NR5A2: variants seen among roughly 807,000 people sequenced by gnomAD.
NR5A2 encodes CYP7A promoter-binding factor.
A neutral mutation model predicts 62.7 loss-of-function variants in NR5A2; 26 were observed. That is an observed-to-expected ratio of 0.41 (90% CI 0.30 to 0.58). The LOEUF is 0.58. Among genes scored for constraint, NR5A2 ranks in the 20% least tolerant of loss-of-function variants. The pLI, the probability that NR5A2 is intolerant of heterozygous loss-of-function variation, is 0.22. For synonymous variants in NR5A2, 246 were observed against 241.7 expected (o/e 1.02, Z -0.16); for missense variants, 541 against 669.1 (o/e 0.81, Z 2.11).
At chr1:200,124,235 T>C (rs1666605008) in intron 7 of NR5A2, among the ~76,000 whole-genome samples, 1 of 152,236 alleles carries the variant, frequency 6.6e-6, no homozygotes, top group African/African-American at 2.4e-5. Context: ...TCTGGATGTC[T>C]AGCTGGAATA....
At chr1:200,158,588 G>T (rs1387206025) in intron 7 of NR5A2, among the ~76,000 whole-genome samples, 1 of 152,084 alleles carries the variant, frequency 6.6e-6, no homozygotes, top group Non-Finnish European at 1.5e-5. Flanking sequence ...ATACTCAAAG[G>T]CTAAAACAGG....
At chr1:200,068,169 T>C (rs1222311430) in intron 5 of NR5A2, among the ~76,000 whole-genome samples, 2 of 152,234 alleles carry the variant, frequency 1.3e-5, no homozygotes, top group African/African-American at 4.8e-5. Flanking sequence ...AAAGAACTCT[T>C]TCAACTTTCT....
intron 5 of NR5A2, among the ~76,000 whole-genome samples, chr1:200,083,511 T>C (rs1664385239): frequency 6.6e-6 from 1 of 152,254 alleles, no homozygotes; most frequent in Non-Finnish European, 1.5e-5. Flanking sequence ...TATGGATTCC[T>C]GTACAGCCTC....
intron 7 of NR5A2, among the ~76,000 whole-genome samples, chr1:200,155,366 C>G (rs1215541899): frequency 6.6e-6 from 1 of 152,136 alleles, no homozygotes. Context: ...TGAAGCAACT[C>G]TATAATTATA....
At chr1:200,163,876 G>C (rs372756554) in intron 7 of NR5A2, among the ~76,000 whole-genome samples, 95 of 152,226 alleles carry the variant, frequency 6.2e-4, no homozygotes, top group Middle Eastern at 6.8e-3. Flanking sequence ...TAAGAAAACA[G>C]GTGATATTGT....
chr1:200,118,026 T>C (rs985858324), intron 6 of NR5A2, among the ~76,000 whole-genome samples: 4 of 146,780 alleles, frequency 2.7e-5, no homozygotes, highest in Non-Finnish European at 6.0e-5. Flanking sequence ...TTTCTTTTTT[T>C]TTTTTTTTTT....
intron 5 of NR5A2, among the ~76,000 whole-genome samples, chr1:200,054,720 C>T (rs554937983): frequency 1.3e-5 from 2 of 152,052 alleles, no homozygotes; most frequent in Admixed American, 6.6e-5. Flanking sequence ...GAGGAGCAAA[C>T]CTTCTTTTTT....
chr1:200,093,382 A>G (rs2737666), intron 5 of NR5A2, among the ~76,000 whole-genome samples: 51,728 of 151,968 alleles, frequency 0.34, 9,935 homozygotes, highest in East Asian at 0.54. Flanking sequence ...AAACACACAC[A>G]TGGGTACTAA....
Position 200,048,224 on chromosome 1 carries a change from C to T in NR5A2, c.516C>T (p.Tyr172=). The T allele has an allele frequency of 1.2e-6, 2 of 1,613,882 alleles. No homozygotes were observed. The highest frequency in any genetic ancestry group is 1.7e-6 in the Non-Finnish European group (2 of 1,179,980). The stretch of plus-strand genomic sequence containing the variant: ...GAAGGAATAAGTTTGGGCCAATGTA[C>T]AAGAGAGACAGGGCCCTGAAGCAAC... The part of the protein sequence containing the change: ...RGGRNKFGPM[Y]KRDRALKQQK... Residue 172 remains tyrosine, a synonymous_variant, in exon 5 of 8, where the codon TAC becomes TAT. Coordinates refer to ENST00000367362, the MANE Select transcript of NR5A2 (RefSeq NM_205860.3). This position sits in a 1 kb window ranked among gnomAD's most constrained non-coding sequence, Gnocchi z 4.8.
At chr1:200,040,380 C>T (rs1662007559) in intron 2 of NR5A2, among the ~76,000 whole-genome samples, 1 of 152,222 alleles carries the variant, frequency 6.6e-6, no homozygotes, top group Non-Finnish European at 1.5e-5. Flanking sequence ...CCAACCCCAT[C>T]CCCTGTACGC....
chr1:200,038,806 C>G, intron 1 of NR5A2: 1 of 1,279,700 alleles, frequency 7.8e-7, no homozygotes, highest in Non-Finnish European at 1.0e-6. Flanking sequence ...CCCCCCGCCC[C>G]GGGCCAGGGT....
chr1:200,035,491 TTGATTGCTCCCAGC>T (rs1249845480), intron 1 of NR5A2, among the ~76,000 whole-genome samples: 1 of 151,622 alleles, frequency 6.6e-6, no homozygotes, highest in African/African-American at 2.4e-5. Flanking sequence ...TCAGGTCGAG[TTGATTGCTCCCAGC>T]TCACGCTCCG....
chr1:200,107,636 CAG>C (rs1665745858), intron 5 of NR5A2, among the ~76,000 whole-genome samples: 1 of 152,118 alleles, frequency 6.6e-6, no homozygotes, highest in Non-Finnish European at 1.5e-5. Context: ...TAGGAAAAGT[CAG>C]ACTGTTTTTT....
At chr1:200,059,034 C>G (rs2102190603) in intron 5 of NR5A2, among the ~76,000 whole-genome samples, 1 of 152,008 alleles carries the variant, frequency 6.6e-6, no homozygotes, top group South Asian at 2.1e-4. Flanking sequence ...CACTTGACCT[C>G]AGGAGGCGGA....
chr1:200,155,664 AGAT>A (rs1653340999), intron 7 of NR5A2, among the ~76,000 whole-genome samples: 2 of 152,150 alleles, frequency 1.3e-5, no homozygotes, highest in African/African-American at 4.8e-5. Context: ...CTGAATCCAC[AGAT>A]AATAATAAAA....
chr1:200,170,396 C>T (rs1387147409), intron 7 of NR5A2, among the ~76,000 whole-genome samples: 1 of 152,188 alleles, frequency 6.6e-6, no homozygotes, highest in Non-Finnish European at 1.5e-5. Context: ...AAAAAGTATG[C>T]ATTTTCATCA....
intron 5 of NR5A2, among the ~76,000 whole-genome samples, chr1:200,092,703 G>GAAAA (rs3838441): frequency 6.8e-6 from 1 of 146,538 alleles, no homozygotes; most frequent in African/African-American, 2.5e-5. Flanking sequence ...CAGTTAGTCA[G>GAAAA]AAAAAAAAAA....
rs116274615 is a variant in NR5A2 at position 200,083,587 on chromosome 1, G to T, written c.1111-27615G>T. Among the ~76,000 whole-genome samples the T allele has an allele frequency of 8.5e-3, 1,288 of 152,250 alleles. 13 individuals are homozygous for T. The highest frequency in any genetic ancestry group is 0.028 in the African/African-American group (1,167 of 41,546). On this transcript the variant is annotated intron_variant, in intron 5 of 7. Transcript: ENST00000367362. ...ATCGTAAAGACCTACTAAGCAATAT[G>T]AACTCTCCAGATTGCTTTACATTTA...
intron 4 of NR5A2, among the ~76,000 whole-genome samples, chr1:200,046,113 A>T (rs906350156): frequency 6.6e-6 from 1 of 152,196 alleles, no homozygotes; most frequent in Non-Finnish European, 1.5e-5. Flanking sequence ...TTGATAGTGT[A>T]GAAATGTATT....
Sources: gnomAD v4.1 joint callset for allele counts (sites outside exome capture counted in the v4.1 genomes callset) on GRCh38, gnomAD v4.1.1 for gene constraint, Gnocchi (gnomAD v3.1) non-coding constraint, MANE v1.5 for transcripts, NCBI Gene and HGNC (gene_info 2026-07-23, HGNC 2026-07-21) for gene names.